The following PRELID2 variants were observed in gnomAD, a reference collection of about 807,000 sequenced individuals.
PRELID2 encodes PRELI domain-containing protein 2.
In PRELID2, 25 loss-of-function variants were observed where a neutral mutation model predicts 28.4. The observed-to-expected ratio is 0.88, with a 90% CI of 0.64 to 1.23. The LOEUF is 1.23. Ranked by LOEUF, PRELID2 falls within the 50% of genes most tolerant of loss-of-function variation. The probability of loss-of-function intolerance (pLI) is 0.00; values close to 1 mark genes in which losing one functional copy is unlikely to be tolerated. For missense variants in PRELID2, 201 were observed against 214.4 expected, an observed-to-expected ratio of 0.94 and a Z score of 0.39; for synonymous variants, 76 against 71.6, an observed-to-expected ratio of 1.06 and a Z score of -0.31.
chr5:145,733,082 CAA>C (rs556645506), intron 1 of PRELID2, among the ~76,000 whole-genome samples: 51 of 78,038 alleles, frequency 6.5e-4, no homozygotes, highest in Middle Eastern at 8.8e-3. Flanking sequence ...CCTGTCTCTA[CAA>C]AAAAAAAAAA....
At chr5:145,813,672 A>G (rs1344218018) in intron 4 of PRELID2, among the ~76,000 whole-genome samples, 3 of 152,204 alleles carry the variant, frequency 2.0e-5, no homozygotes, top group Non-Finnish European at 4.4e-5. Flanking sequence ...ATACACATGA[A>G]GGATATAGCT....
At chr5:145,582,859 C>A (rs1021060516) in intron 1 of PRELID2, among the ~76,000 whole-genome samples, 4 of 151,990 alleles carry the variant, frequency 2.6e-5, no homozygotes, top group African/African-American at 4.8e-5. Context: ...CTGAATTCTA[C>A]CAGAGATACA....
At chr5:145,697,993 A>AT (rs1554084309) in intron 1 of PRELID2, among the ~76,000 whole-genome samples, 50 of 149,986 alleles carry the variant, frequency 3.3e-4, no homozygotes, top group South Asian at 1.1e-3. Flanking sequence ...CCTCAAAAAA[A>AT]ATATATATAT....
the PRELID2 span, among the ~76,000 whole-genome samples, chr5:145,345,668 A>G: frequency 6.6e-6 from 1 of 152,136 alleles, no homozygotes; most frequent in Non-Finnish European, 1.5e-5. Flanking sequence ...TGCAATATCT[A>G]CAAGTGAAGT....
the PRELID2 span, among the ~76,000 whole-genome samples, chr5:145,296,659 C>A: frequency 2.0e-5 from 3 of 152,114 alleles, no homozygotes; most frequent in African/African-American, 7.2e-5. Context: ...CATATGTGTG[C>A]ATGTGTCTAT....
chr5:145,739,874 A>G (rs1447323787), intron 1 of PRELID2, among the ~76,000 whole-genome samples: 1 of 151,910 alleles, frequency 6.6e-6, no homozygotes, highest in African/African-American at 2.4e-5. Context: ...TATGTAAATT[A>G]ATCAAATTAT....
At position 145,503,252 on chromosome 5, in the gene PRELID2, G is replaced by A. The variant is rs376281518; in HGVS notation, n.71-29937C>T. On this transcript the variant is annotated intron_variant and non_coding_transcript_variant, in intron 1 of 2. Transcript: ENST00000510259. The stretch of plus-strand genomic sequence containing the variant: ...TCTGTCTACTTTGCAAAGTTCATGA[G>A]CTATTCTAATCCTCTGAGCAACTGT... 5.3e-4 allele frequency among the ~76,000 whole-genome samples: 81 copies of A among 152,158 alleles called. 1 individual carries two copies. The South Asian group carries it at 0.016, about 30-fold the overall frequency.
intron 1 of PRELID2, among the ~76,000 whole-genome samples, chr5:145,669,058 T>C (rs1754653121): frequency 6.6e-6 from 1 of 152,112 alleles, no homozygotes; most frequent in Non-Finnish European, 1.5e-5. Flanking sequence ...CTCCCCAGCT[T>C]CCCTTCATGT....
intron 1 of PRELID2, among the ~76,000 whole-genome samples, chr5:145,692,964 A>G (rs527620763): frequency 1.3e-5 from 2 of 152,278 alleles, no homozygotes; most frequent in South Asian, 4.1e-4. Flanking sequence ...AGCAGAAGCA[A>G]CCATTTGAAA....
At chr5:145,302,890 T>C in the PRELID2 span, among the ~76,000 whole-genome samples, 4 of 152,208 alleles carry the variant, frequency 2.6e-5, no homozygotes, top group Admixed American at 6.5e-5. Context: ...CACTAGCTTG[T>C]TTGTTTGTAA....
the PRELID2 span, among the ~76,000 whole-genome samples, chr5:145,271,941 T>C: frequency 6.6e-6 from 1 of 152,196 alleles, no homozygotes; most frequent in South Asian, 2.1e-4. Flanking sequence ...GCTTATTCCA[T>C]ACCAAATAAA....
At chr5:145,579,159 T>C (rs146137380) in intron 1 of PRELID2, among the ~76,000 whole-genome samples, 279 of 152,210 alleles carry the variant, frequency 1.8e-3, no homozygotes, top group African/African-American at 6.3e-3. Flanking sequence ...AAAATACACT[T>C]GGGAACATTA....
chr5:145,319,543 C>A, the PRELID2 span, among the ~76,000 whole-genome samples: 2 of 151,814 alleles, frequency 1.3e-5, no homozygotes, highest in African/African-American at 4.8e-5. Flanking sequence ...TGGTGATGGG[C>A]GCCTGTAGTC....
At chr5:145,526,915 A>G (rs1372296780) in intron 1 of PRELID2, among the ~76,000 whole-genome samples, 2 of 152,228 alleles carry the variant, frequency 1.3e-5, no homozygotes, top group Non-Finnish European at 2.9e-5. Flanking sequence ...TCAAAAGCCA[A>G]CTGAGGTATC....
chr5:145,354,340 C>T, the PRELID2 span, among the ~76,000 whole-genome samples: 1 of 152,132 alleles, frequency 6.6e-6, no homozygotes, highest in Non-Finnish European at 1.5e-5. Flanking sequence ...TCTATGTTTA[C>T]ATTTTATTTT....
chr5:145,728,008 C>T lies in PRELID2; in HGVS notation n.70+36923G>A, dbSNP rs534445531. ...CTCCCCTCTGTTCATTTTATACTTT[C>T]CCTCTCAGATTTTGACTGGACTTTG... On this transcript the variant is annotated intron_variant and non_coding_transcript_variant, in intron 1 of 2. Coordinates refer to the PRELID2 transcript ENST00000510259. Among the ~76,000 whole-genome samples the T allele has an allele frequency of 1.1e-4, 16 of 152,310 alleles. No homozygotes were observed. The South Asian group carries it at 3.1e-3, about 30-fold the overall frequency.
At chr5:145,562,047 T>C (rs1461055279) in intron 1 of PRELID2, among the ~76,000 whole-genome samples, 1 of 152,240 alleles carries the variant, frequency 6.6e-6, no homozygotes, top group Non-Finnish European at 1.5e-5. Context: ...CTGAATTGTA[T>C]GTACAATGGC....
the PRELID2 span, among the ~76,000 whole-genome samples, chr5:145,292,265 C>T: frequency 1.3e-5 from 2 of 152,112 alleles, no homozygotes; most frequent in East Asian, 3.9e-4. Flanking sequence ...GGTATGCTTT[C>T]TATATCAGCT....
At chr5:145,713,523 C>T (rs1311199778) in intron 1 of PRELID2, among the ~76,000 whole-genome samples, 2 of 142,614 alleles carry the variant, frequency 1.4e-5, no homozygotes, top group Non-Finnish European at 3.0e-5. Context: ...AATGGAATTA[C>T]ATTTTTAAAG....
Sources: gnomAD v4.1 joint callset for allele counts (sites outside exome capture counted in the v4.1 genomes callset) on GRCh38, gnomAD v4.1.1 for gene constraint, MANE v1.5 for transcripts, NCBI Gene and HGNC (gene_info 2026-07-23, HGNC 2026-07-21) for gene names.